The following CTTNBP2 variants were observed in gnomAD, a reference collection of about 807,000 sequenced individuals.
CTTNBP2 encodes cortactin binding protein 2.
A neutral mutation model predicts 156.9 loss-of-function variants in CTTNBP2; 108 were observed. That is an observed-to-expected ratio of 0.69 (90% CI 0.59 to 0.81). CTTNBP2 has a LOEUF of 0.81. Ranked by LOEUF, CTTNBP2 falls within the 30% of genes least tolerant of loss-of-function variation. CTTNBP2 has a pLI of 0.00. For synonymous variants in CTTNBP2, 767 were observed against 751.8 expected (o/e 1.02, Z -0.33); for missense variants, 1,924 against 2,035.4 (o/e 0.95, Z 1.05).
intron 1 of CTTNBP2, among the ~76,000 whole-genome samples, chr7:117,870,208 T>C (rs1003533040): frequency 6.6e-6 from 1 of 152,212 alleles, no homozygotes; most frequent in Non-Finnish European, 1.5e-5. Flanking sequence ...ATGTATTACT[T>C]TAGGGTAGCA....
At chr7:117,717,668 T>TAGA (rs1794504166) in intron 22 of CTTNBP2, among the ~76,000 whole-genome samples, 1 of 151,864 alleles carries the variant, frequency 6.6e-6, no homozygotes, top group Admixed American at 6.6e-5. Flanking sequence ...ATATAAACTT[T>TAGA]GGTACTATCT....
chr7:117,847,878 G>A (rs868533770), intron 2 of CTTNBP2, among the ~76,000 whole-genome samples: 3 of 140,556 alleles, frequency 2.1e-5, no homozygotes, highest in East Asian at 2.1e-4. Flanking sequence ...GAGGGCAGTG[G>A]TGTAATCTTG....
chr7:117,859,133 A>G (rs1441968840), intron 2 of CTTNBP2, among the ~76,000 whole-genome samples: 1 of 152,138 alleles, frequency 6.6e-6, no homozygotes, highest in East Asian at 1.9e-4. Flanking sequence ...TATACATGCA[A>G]TTCTCCATAA....
At chr7:117,798,207 A>G (rs1375385789) in intron 3 of CTTNBP2, among the ~76,000 whole-genome samples, 2 of 152,174 alleles carry the variant, frequency 1.3e-5, no homozygotes. Flanking sequence ...AACCTAGATT[A>G]AAAAGCTCAG....
Position 117,756,571 on chromosome 7 carries a change from T to C in CTTNBP2, c.3332A>G (p.Gln1111Arg), listed in dbSNP as rs191024761. Residue 1111 changes from glutamine to arginine, a missense_variant, in exon 12 of 23, where the codon CAG becomes CGG. By Grantham distance (43) the Gln-to-Arg change is conservative. Transcript: ENST00000160373. ...TCCACCTACCAGCCTGAGGTAGTTCTGCATCATCTGGAGAGGGATCATGGA... is the reference window on the plus strand; with the variant it reads ...TCCACCTACCAGCCTGAGGTAGTTCCGCATCATCTGGAGAGGGATCATGGA... ...YASMIPLQMM[Q>R]NYLRLVEQYH... is the part of the protein sequence containing the mutation. 2 of 1,613,172 alleles carry C rather than the reference T, an allele frequency of 1.2e-6. No individual in the cohort carries two copies. Among genetic ancestry groups the C allele is most frequent in the South Asian group, 1.1e-5 (1 of 91,078 alleles).
Position 117,758,184 on chromosome 7 carries a change from T to G in CTTNBP2, c.3173-214A>C, listed in dbSNP as rs76055517. 6.6e-4 allele frequency: 360 copies of G among 542,256 alleles called. 3 individuals are homozygous for G. The East Asian group carries it at 9.9e-3, about 15-fold the overall frequency. The allele number at this position is 542,256 out of a possible 1,614,324, so 33.6% of individuals were successfully genotyped here. A position where few individuals can be genotyped will look rare whatever the true frequency, so the allele number is the denominator to read the frequency against. On this transcript the variant is annotated intron_variant, in intron 10 of 22. Transcript: ENST00000160373. ...AAAGGAAGGCTTTCAATCTACAGAC[T>G]TCTCCAAAGCAGCCCATAGGAGGGA...
rs571491045 is a variant in CTTNBP2, at chr7:117,868,844, C to T, written c.81+4491G>A. The stretch of plus-strand genomic sequence containing the variant: ...GATACTGCTCCATCCTTCCTAGGCA[C>T]ATTCAAAGTTGAAATTCCAGTCCCA... On this transcript the variant is annotated intron_variant, in intron 1 of 22. Transcript: ENST00000160373. Among the ~76,000 whole-genome samples, 42 of 152,334 alleles carry T rather than the reference C, an allele frequency of 2.8e-4. No homozygotes were observed. The South Asian group carries it at 7.7e-3, about 28-fold the overall frequency.
chr7:117,843,039 T>C (rs570854974), intron 2 of CTTNBP2, among the ~76,000 whole-genome samples: 8 of 152,282 alleles, frequency 5.3e-5, no homozygotes, highest in Non-Finnish European at 8.8e-5. Flanking sequence ...ATAGAAAATA[T>C]TTGGGGGTGG....
rs753339326 is a variant in CTTNBP2 at position 117,725,082 on chromosome 7, C to T, written c.4231G>A (p.Val1411Ile). The T allele has an allele frequency of 1.2e-6, 2 of 1,612,608 alleles. No individual in the cohort carries two copies. The highest frequency in any genetic ancestry group is 2.7e-5 in the African/African-American group (2 of 74,920). The change falls in exon 18 of 23, where the codon GTA becomes ATA. Residue 1411 changes from valine (V) to isoleucine (I), a missense_variant. Transcript: ENST00000160373. ...CTGGGGAGGGGACAGCCATGCAGTA[C>T]AGCTTTATTTAGCAAGATGCTGAGA... ...AALSILLNKA[V>I]LHGCPLPRAE...
intron 2 of CTTNBP2, among the ~76,000 whole-genome samples, chr7:117,816,796 T>G (rs1323530736): frequency 6.6e-6 from 1 of 152,138 alleles, no homozygotes; most frequent in Non-Finnish European, 1.5e-5. Context: ...AACATAGACA[T>G]GTTTTAATAG....
At chr7:117,777,865 A>T in intron 7 of CTTNBP2, 100 bp from the exon 8 acceptor site, 1 of 1,188,074 alleles carries the variant, frequency 8.4e-7, no homozygotes, top group Non-Finnish European at 1.2e-6. Context: ...GGCATGGACC[A>T]CTGAGCTGGG....
intron 6 of CTTNBP2, among the ~76,000 whole-genome samples, chr7:117,781,911 T>G (rs1335656204): frequency 6.6e-6 from 1 of 151,936 alleles, no homozygotes; most frequent in Non-Finnish European, 1.5e-5. Flanking sequence ...TTTGAAGGAG[T>G]CAGGATATGT....
Position 117,873,354 on chromosome 7 carries a change from C to G in CTTNBP2, c.62G>C (p.Gly21Ala). The part of the protein sequence containing the change: ...DLSRAPEDAA[G>A]AAAEAAKKEF... The stretch of plus-strand genomic sequence containing the variant: ...GGTTACCGCCGCCTCCGCCGCGGCC[C>G]CCGCCGCGTCCTCCGGGGCCCGGGA... Residue 21 changes from glycine to alanine, a missense_variant, in exon 1 of 23, where the codon GGG (glycine) becomes GCG (alanine). Physicochemically the swap from Gly to Ala is moderately conservative, Grantham distance 60. Transcript: ENST00000160373. 1 of 1,459,672 alleles carries G rather than the reference C, an allele frequency of 6.9e-7. No homozygotes were observed. The highest frequency in any genetic ancestry group is 9.0e-7 in the Non-Finnish European group (1 of 1,110,594). The allele number at this position is 1,459,672 out of a possible 1,614,324, so 90.4% of individuals were successfully genotyped here.
chr7:117,736,983 T>C (rs938174425), intron 14 of CTTNBP2, among the ~76,000 whole-genome samples: 1 of 152,190 alleles, frequency 6.6e-6, no homozygotes, highest in Non-Finnish European at 1.5e-5. Flanking sequence ...CATTTTCATT[T>C]TCAAAAGAAC....
At chr7:117,873,026 G>C (rs1323078799) in intron 1 of CTTNBP2, among the ~76,000 whole-genome samples, 2 of 152,142 alleles carry the variant, frequency 1.3e-5, no homozygotes, top group Admixed American at 1.3e-4. Flanking sequence ...CGACCGCAGC[G>C]GAGGGAGTGG....
At chr7:117,855,744 A>G (rs1260468634) in intron 2 of CTTNBP2, among the ~76,000 whole-genome samples, 3 of 152,238 alleles carry the variant, frequency 2.0e-5, no homozygotes, top group Non-Finnish European at 4.4e-5. Context: ...CAAGTTTTTG[A>G]AAAGGAAGAT....
chr7:117,868,619 A>G (rs1233294106), intron 1 of CTTNBP2, among the ~76,000 whole-genome samples: 1 of 152,200 alleles, frequency 6.6e-6, no homozygotes, highest in Admixed American at 6.5e-5. Flanking sequence ...TTCAATATCG[A>G]TGTCATCATC....
intron 3 of CTTNBP2, among the ~76,000 whole-genome samples, chr7:117,804,627 G>A (rs1437534981): frequency 6.6e-6 from 1 of 152,178 alleles, no homozygotes; most frequent in African/African-American, 2.4e-5. Flanking sequence ...GCAGAGACAT[G>A]GATGGAGCTG....
At chr7:117,761,644 T>A (rs1797223547) in intron 9 of CTTNBP2, among the ~76,000 whole-genome samples, 1 of 152,250 alleles carries the variant, frequency 6.6e-6, no homozygotes, top group African/African-American at 2.4e-5. Context: ...GACAACTATA[T>A]GAAATTAGAA....
Sources: allele counts gnomAD v4.1 joint callset (sites outside exome capture counted in the v4.1 genomes callset), GRCh38; gene constraint gnomAD v4.1.1; transcripts MANE v1.5; gene names NCBI Gene and HGNC (gene_info 2026-07-23, HGNC 2026-07-21).